The following GDAP2 variants were observed in gnomAD, a reference collection of about 807,000 sequenced individuals.
GDAP2 encodes the protein ganglioside-induced differentiation-associated protein 2.
A neutral mutation model predicts 67.0 loss-of-function variants in GDAP2; 51 were observed. The ratio of observed to expected loss-of-function variants is 0.76; its 90% CI spans 0.61 to 0.96. The LOEUF (loss-of-function observed/expected upper bound fraction) is 0.96. Ranked by LOEUF, GDAP2 falls within the 40% of genes least tolerant of loss-of-function variation. The pLI, the probability that GDAP2 is intolerant of heterozygous loss-of-function variation, is 0.00. For synonymous variants in GDAP2, 203 were observed against 207.3 expected, an observed-to-expected ratio of 0.98 and a Z score of 0.18; for missense variants, 547 against 588.3, an observed-to-expected ratio of 0.93 and a Z score of 0.73.
chr1:117,921,789 G>T (rs1225055856), intron 1 of GDAP2, among the ~76,000 whole-genome samples: 2 of 151,988 alleles, frequency 1.3e-5, no homozygotes, highest in African/African-American at 4.8e-5. Flanking sequence ...AACTGAGATG[G>T]GGCAAGAGTA....
chr1:117,920,518 C>A, intron 1 of GDAP2, 94 bp from the exon 2 acceptor site: 1 of 510,288 alleles, frequency 2.0e-6, no homozygotes, highest in South Asian at 4.0e-5. Flanking sequence ...TGTGAAATAT[C>A]CCAATAGTAT....
chr1:117,874,909 C>T (rs1226975984), intron 13 of GDAP2, among the ~76,000 whole-genome samples: 2 of 152,192 alleles, frequency 1.3e-5, no homozygotes, highest in African/African-American at 4.8e-5. Flanking sequence ...CCAAACAATA[C>T]TGGTACCCTA....
rs187636365 is a variant in GDAP2 at position 117,874,418 on chromosome 1, A to G, written c.1446+3591T>C. On this transcript the variant is annotated intron_variant, in intron 13 of 13. Transcript: ENST00000369443. ...CACCAGCTCCCCTTACCCTTCGACC[A>G]TGAGTAGAAGCAGCCTGAGTCCCTC... is the stretch of plus-strand genomic sequence containing the variant. Among the ~76,000 whole-genome samples, 41 of 152,292 alleles carry G rather than the reference A, an allele frequency of 2.7e-4. No individual in the cohort carries two copies. In the East Asian group the frequency reaches 3.7e-3, roughly 14 times the overall value.
At chr1:117,901,546 T>C (rs1490868624) in intron 6 of GDAP2, among the ~76,000 whole-genome samples, 1 of 152,244 alleles carries the variant, frequency 6.6e-6, no homozygotes, top group Non-Finnish European at 1.5e-5. Context: ...TCTCCCTTCG[T>C]AATTATAGCC....
intron 3 of GDAP2, among the ~76,000 whole-genome samples, chr1:117,916,688 T>C (rs1291839079): frequency 6.6e-6 from 1 of 152,102 alleles, no homozygotes; most frequent in Non-Finnish European, 1.5e-5. Flanking sequence ...ATAGACTTTA[T>C]GTGAGGGATA....
In GDAP2 at chr1:117,870,103, T is replaced by C. The variant is rs1648202763; in HGVS notation, c.*466A>G. The stretch of plus-strand genomic sequence containing the variant: ...TCTTTTAACACAGCCAAATTATCTT[T>C]ATAAAATATACATGGTATTAACACC... On this transcript the variant is annotated 3_prime_UTR_variant, in exon 14 of 14. Transcript: ENST00000369443. The C allele has an allele frequency of 6.5e-6, 1 of 152,978 alleles. No individual in the cohort carries two copies. Among genetic ancestry groups the C allele is most frequent in the Non-Finnish European group, 1.5e-5 (1 of 68,576 alleles). 9.5% of individuals were successfully genotyped at this position (152,978 alleles called of 1,614,324 possible).
intron 1 of GDAP2, among the ~76,000 whole-genome samples, chr1:117,923,543 G>A (rs773340239): frequency 1.3e-5 from 2 of 152,186 alleles, no homozygotes; most frequent in Non-Finnish European, 2.9e-5. Flanking sequence ...TTGGTAAGTT[G>A]GAGGTTGTTG....
At chr1:117,895,361 T>G (rs1383413737) in intron 8 of GDAP2, among the ~76,000 whole-genome samples, 3 of 152,154 alleles carry the variant, frequency 2.0e-5, no homozygotes, top group Admixed American at 1.3e-4. Context: ...CTGGCTGTCT[T>G]CCATTAAATC....
At chr1:117,900,041 C>G (rs1317289368) in intron 6 of GDAP2, among the ~76,000 whole-genome samples, 1 of 152,084 alleles carries the variant, frequency 6.6e-6, no homozygotes, top group African/African-American at 2.4e-5. Flanking sequence ...CAGACATCAT[C>G]TTTATAGCCT....
In GDAP2 at chr1:117,914,212, A is replaced by C. The variant is rs550911840; in HGVS notation, c.317-1529T>G. Among the ~76,000 whole-genome samples the C allele has an allele frequency of 2.0e-5, 3 of 152,312 alleles. No individual in the cohort carries two copies. In the South Asian group the frequency reaches 6.2e-4, roughly 32 times the overall value. ...AGCCTCTAACAAAAACTAAAAGGGGAGACTAAACACATGCTCAAGAAATAG... is the reference window on the plus strand; with the variant it reads ...AGCCTCTAACAAAAACTAAAAGGGGCGACTAAACACATGCTCAAGAAATAG... On this transcript the variant is annotated intron_variant, in intron 3 of 13. Coordinates refer to ENST00000369443, the MANE Select transcript of GDAP2 (RefSeq NM_017686.4).
In GDAP2 at chr1:117,867,218, G is replaced by GA. The variant is rs1648100690; in HGVS notation, c.*3350dup. Reference sequence around the variant, plus strand: ...TATCCAAGCAAACAGAAAAGAAGAGGAAATAGGCAAGCCATGTTTTTCTAC... The same window carrying GA: ...TATCCAAGCAAACAGAAAAGAAGAGGAAAATAGGCAAGCCATGTTTTTCTAC... On this transcript the variant is annotated 3_prime_UTR_variant, in exon 14 of 14. Coordinates refer to ENST00000369443, the MANE Select transcript of GDAP2 (RefSeq NM_017686.4). 1 of 151,950 alleles carries GA rather than the reference G, an allele frequency of 6.6e-6. No individual in the cohort carries two copies. Among genetic ancestry groups the GA allele is most frequent in the Non-Finnish European group, 1.5e-5 (1 of 68,000 alleles). The allele number at this position is 151,950 out of a possible 1,614,324, so 9.4% of individuals were successfully genotyped here.
intron 1 of GDAP2, among the ~76,000 whole-genome samples, chr1:117,922,331 A>G (rs1309622536): frequency 2.6e-5 from 4 of 152,204 alleles, no homozygotes; most frequent in African/African-American, 9.6e-5. Flanking sequence ...GAGAGAGAGA[A>G]GGAATGCTAA....
In GDAP2 at chr1:117,913,738, C is replaced by T. The variant is rs1649944418; in HGVS notation, c.317-1055G>A. ...AAGACCCACCAGGCAATAACCGTTG[C>T]CCACTGTTATGAACTGAATGCTTCG... On this transcript the variant is annotated intron_variant, in intron 3 of 13. Coordinates refer to ENST00000369443, the MANE Select transcript of GDAP2 (RefSeq NM_017686.4). Among the ~76,000 whole-genome samples the T allele has an allele frequency of 2.0e-5, 3 of 152,106 alleles. No homozygotes were observed. In the South Asian group the frequency reaches 6.2e-4, roughly 31 times the overall value.
rs919733953 is a variant in GDAP2, at chr1:117,898,987, T to A, written c.796+70A>T. 2.6e-6 allele frequency: 3 copies of A among 1,142,290 alleles called. No individual in the cohort carries two copies. The South Asian group carries it at 3.8e-5, about 15-fold the overall frequency. The allele number at this position is 1,142,290 out of a possible 1,614,324, so 70.8% of individuals were successfully genotyped here. ...CCAAAGGTCAAGCTGAATTTCTTACTTCTTTGGTGATTGGTGCCTATTTTT... is the reference window on the plus strand; with the variant it reads ...CCAAAGGTCAAGCTGAATTTCTTACATCTTTGGTGATTGGTGCCTATTTTT... On this transcript the variant is annotated intron_variant, in intron 7 of 13. Transcript: ENST00000369443.
chr1:117,885,857 A>G (rs975659224), intron 10 of GDAP2, among the ~76,000 whole-genome samples: 1 of 152,060 alleles, frequency 6.6e-6, no homozygotes, highest in Admixed American at 6.6e-5. Flanking sequence ...TCTCTACATA[A>G]TTATCTTGTG....
chr1:117,916,776 G>A (rs1650057803), intron 3 of GDAP2, among the ~76,000 whole-genome samples: 2 of 152,214 alleles, frequency 1.3e-5, no homozygotes, highest in Admixed American at 1.3e-4. Context: ...GCTTACGCCT[G>A]TAATCCCAGC....
At chr1:117,905,112 A>G (rs569097234) in intron 6 of GDAP2, among the ~76,000 whole-genome samples, 1 of 152,162 alleles carries the variant, frequency 6.6e-6, no homozygotes, top group Non-Finnish European at 1.5e-5. Context: ...TTCAGGCCTG[A>G]TCATTTCTCA....
intron 13 of GDAP2, among the ~76,000 whole-genome samples, chr1:117,873,524 C>T (rs934934074): frequency 2.4e-4 from 37 of 151,976 alleles, no homozygotes; most frequent in Non-Finnish European, 1.5e-5. Flanking sequence ...ACTCTATACT[C>T]ATTTCTTTTC....
chr1:117,902,513 T>C (rs747284240), intron 6 of GDAP2, among the ~76,000 whole-genome samples: 8 of 152,228 alleles, frequency 5.3e-5, no homozygotes, highest in Non-Finnish European at 1.2e-4. Context: ...CTTTGTTCTT[T>C]GGCATGTGGA....
Sources: gnomAD v4.1 joint callset for allele counts (sites outside exome capture counted in the v4.1 genomes callset) on GRCh38, gnomAD v4.1.1 for gene constraint, MANE v1.5 for transcripts, NCBI Gene and HGNC (gene_info 2026-07-23, HGNC 2026-07-21) for gene names.